The following GALNT13 variants were observed in gnomAD, a reference collection of about 807,000 sequenced individuals.
The protein encoded by GALNT13 is polypeptide N-acetylgalactosaminyltransferase 13.
A neutral mutation model predicts 64.2 loss-of-function variants in GALNT13; 28 were observed. The observed-to-expected ratio is 0.44, with a 90% CI of 0.32 to 0.60. The LOEUF (loss-of-function observed/expected upper bound fraction) is 0.60, where lower values mean the gene tolerates loss of function less well. GALNT13 is among the 20% of genes least tolerant of loss of function. The pLI is 0.05. For synonymous variants in GALNT13, 214 were observed against 224.6 expected (o/e 0.95, Z 0.42); for missense variants, 577 against 669.8 (o/e 0.86, Z 1.53).
chr2:153,472,518 T>C, the GALNT13 span, among the ~76,000 whole-genome samples: 4 of 152,298 alleles, frequency 2.6e-5, no homozygotes, highest in Non-Finnish European at 4.4e-5. Context: ...CATCTATACA[T>C]GAGTGCTTGA....
chr2:154,044,640 G>T (rs1391468005), intron 3 of GALNT13, among the ~76,000 whole-genome samples: 1 of 152,004 alleles, frequency 6.6e-6, no homozygotes, highest in Non-Finnish European at 1.5e-5. Flanking sequence ...GAAGTGAGGA[G>T]AGAAACTAGA....
chr2:153,497,157 A>T, the GALNT13 span, among the ~76,000 whole-genome samples: 14 of 152,102 alleles, frequency 9.2e-5, no homozygotes, highest in Non-Finnish European at 1.5e-4. Context: ...AATAGCCAAA[A>T]TTTTTTTCAG....
the GALNT13 span, among the ~76,000 whole-genome samples, chr2:153,155,510 A>T: frequency 2.6e-5 from 4 of 152,172 alleles, no homozygotes; most frequent in Middle Eastern, 3.2e-3. Flanking sequence ...TTATGTACAT[A>T]GAAGTGTTCA....
the GALNT13 span, among the ~76,000 whole-genome samples, chr2:153,119,597 CT>C: frequency 1.3e-5 from 2 of 152,158 alleles, no homozygotes; most frequent in African/African-American, 4.8e-5. Context: ...TGTGTTTCAG[CT>C]GACTCCTGCT....
At chr2:153,195,389 T>G in the GALNT13 span, among the ~76,000 whole-genome samples, 2 of 152,086 alleles carry the variant, frequency 1.3e-5, no homozygotes, top group African/African-American at 4.8e-5. Context: ...GCCAGGGGTG[T>G]GTGAGTGAGC....
At position 154,039,482 on chromosome 2, in the gene GALNT13, C is replaced by T. The variant is rs548350134; in HGVS notation, c.142+94843C>T. ...CAGCTACATGAGTGAACCTGGAAGA[C>T]CTTATGTTAAATTAAATGAATCAGG... On this transcript the variant is annotated intron_variant, in intron 3 of 12. Coordinates refer to ENST00000392825, the MANE Select transcript of GALNT13 (RefSeq NM_052917.4). Among the ~76,000 whole-genome samples the T allele has an allele frequency of 1.6e-4, 22 of 139,786 alleles. 6 individuals are homozygous for T. Among genetic ancestry groups the T allele is most frequent in the Non-Finnish European group, 3.4e-4 (21 of 61,026 alleles). 91.7% of individuals were successfully genotyped at this position (139,786 alleles called of 152,430 possible).
intron 3 of GALNT13, among the ~76,000 whole-genome samples, chr2:154,008,534 G>T (rs935717132): frequency 6.6e-6 from 1 of 151,908 alleles, no homozygotes; most frequent in Non-Finnish European, 1.5e-5. Flanking sequence ...AATCACCCAG[G>T]TAATAAGCAT....
chr2:153,607,120 G>GCACATT, the GALNT13 span, among the ~76,000 whole-genome samples: 1 of 151,980 alleles, frequency 6.6e-6, no homozygotes, highest in Admixed American at 6.6e-5. Context: ...TCCTCTACTA[G>GCACATT]GATCCCCAGG....
At chr2:153,309,357 A>T in the GALNT13 span, among the ~76,000 whole-genome samples, 1 of 152,140 alleles carries the variant, frequency 6.6e-6, no homozygotes, top group Non-Finnish European at 1.5e-5. Flanking sequence ...TTTCTATAAC[A>T]TGTACAAGTC....
the GALNT13 span, among the ~76,000 whole-genome samples, chr2:153,678,367 G>A: frequency 6.6e-6 from 1 of 152,014 alleles, no homozygotes; most frequent in Non-Finnish European, 1.5e-5. Context: ...ACAAGATCGT[G>A]TCCTTCTCAG....
the GALNT13 span, among the ~76,000 whole-genome samples, chr2:153,193,731 C>A: frequency 6.6e-6 from 1 of 151,724 alleles, no homozygotes; most frequent in East Asian, 1.9e-4. Flanking sequence ...ATTGTAGATA[C>A]TGTCTTTTGC....
intron 4 of GALNT13, among the ~76,000 whole-genome samples, chr2:154,197,308 G>T (rs1018260005): frequency 2.6e-5 from 4 of 152,144 alleles, no homozygotes; most frequent in South Asian, 4.1e-4. Context: ...ATAAAAGAAA[G>T]GTGGATAAGG....
intron 3 of GALNT13, among the ~76,000 whole-genome samples, chr2:154,040,088 C>T (rs1698891750): frequency 7.1e-6 from 1 of 140,854 alleles, no homozygotes; most frequent in Admixed American, 7.1e-5. Flanking sequence ...ATGCCTACTA[C>T]ATATCTGTCA....
At chr2:153,395,264 G>T in the GALNT13 span, among the ~76,000 whole-genome samples, 1 of 152,274 alleles carries the variant, frequency 6.6e-6, no homozygotes, top group African/African-American at 2.4e-5. Flanking sequence ...CAAAGGCAAA[G>T]AATTATACCA....
intron 3 of GALNT13, among the ~76,000 whole-genome samples, chr2:154,044,601 G>C (rs1699186003): frequency 6.6e-6 from 1 of 152,118 alleles, no homozygotes; most frequent in Non-Finnish European, 1.5e-5. Context: ...AGAGGGCTGG[G>C]AGGGAGATGA....
chr2:153,536,482 T>C, the GALNT13 span, among the ~76,000 whole-genome samples: 2 of 152,210 alleles, frequency 1.3e-5, no homozygotes, highest in African/African-American at 2.4e-5. Context: ...TTAGTTTGTT[T>C]AACTTTTTAC....
the GALNT13 span, among the ~76,000 whole-genome samples, chr2:153,391,837 A>G: frequency 6.6e-6 from 1 of 151,826 alleles, no homozygotes; most frequent in East Asian, 1.9e-4. Context: ...ATAAAATATA[A>G]TTATTTTAAA....
chr2:153,803,631 G>T, the GALNT13 span, among the ~76,000 whole-genome samples: 12 of 146,326 alleles, frequency 8.2e-5, no homozygotes, highest in African/African-American at 3.0e-4. Context: ...GGCGGAGCTT[G>T]CAGTGAGCGG....
chr2:154,008,033 A>G (rs1281576932), intron 3 of GALNT13, among the ~76,000 whole-genome samples: 1 of 152,160 alleles, frequency 6.6e-6, no homozygotes, highest in Admixed American at 6.5e-5. Flanking sequence ...CTGGATGTTC[A>G]TCCTCAACTT....
Sources: allele counts gnomAD v4.1 joint callset (sites outside exome capture counted in the v4.1 genomes callset), GRCh38; gene constraint gnomAD v4.1.1; transcripts MANE v1.5; gene names NCBI Gene and HGNC (gene_info 2026-07-23, HGNC 2026-07-21).